Variants in RGS7 observed in about 807,000 individuals in gnomAD.
The protein encoded by RGS7 is regulator of G protein signaling 7.
In RGS7, 27 loss-of-function variants were observed where a neutral mutation model predicts 81.1. The ratio of observed to expected loss-of-function variants is 0.33; its 90% CI spans 0.25 to 0.46. RGS7 has a LOEUF of 0.46. RGS7 is among the 20% of genes least tolerant of loss of function. RGS7 has a pLI of 1.00. For synonymous variants in RGS7, 208 were observed against 207.7 expected (o/e 1.00, Z -0.01); for missense variants, 396 against 607.4 (o/e 0.65, Z 3.66).
chr1:240,916,122 A>AG (rs1445525137), intron 6 of RGS7, among the ~76,000 whole-genome samples: 1 of 150,942 alleles, frequency 6.6e-6, no homozygotes, highest in Non-Finnish European at 1.5e-5. Context: ...AAAAAAAAAA[A>AG]AAAAAAAAAT....
intron 2 of RGS7, among the ~76,000 whole-genome samples, chr1:241,268,957 C>T (rs1164282884): frequency 6.6e-6 from 1 of 152,172 alleles, no homozygotes; most frequent in Non-Finnish European, 1.5e-5. Flanking sequence ...CCCAATGCCC[C>T]ATGTTTAACT....
intron 3 of RGS7, among the ~76,000 whole-genome samples, chr1:241,083,466 G>T (rs930321275): frequency 6.6e-6 from 1 of 152,098 alleles, no homozygotes; most frequent in African/African-American, 2.4e-5. Flanking sequence ...TTGACTATGT[G>T]ACATCTCACT....
intron 2 of RGS7, among the ~76,000 whole-genome samples, chr1:241,215,999 C>A (rs542107845): frequency 6.6e-6 from 1 of 152,030 alleles, no homozygotes; most frequent in African/African-American, 2.4e-5. Context: ...AGGCCGGGCG[C>A]GGTGGCTCAC....
chr1:241,143,224 A>G (rs554568973), intron 2 of RGS7, among the ~76,000 whole-genome samples: 1 of 151,664 alleles, frequency 6.6e-6, no homozygotes, highest in South Asian at 2.1e-4. Flanking sequence ...AACTATTCCA[A>G]CCTCTGCCTG....
intron 6 of RGS7, among the ~76,000 whole-genome samples, chr1:240,875,309 T>C (rs545408158): frequency 2.2e-4 from 33 of 152,314 alleles, no homozygotes; most frequent in Admixed American, 9.2e-4. Context: ...CCTGACTTAT[T>C]TCACTTAACA....
chr1:241,342,822 C>T (rs2082643578), intron 2 of RGS7, among the ~76,000 whole-genome samples: 1 of 152,180 alleles, frequency 6.6e-6, no homozygotes, highest in South Asian at 2.1e-4. Context: ...GATACCACTT[C>T]ACACCCATTA....
chr1:241,204,796 G>C (rs2073767731), intron 2 of RGS7, among the ~76,000 whole-genome samples: 1 of 151,746 alleles, frequency 6.6e-6, no homozygotes, highest in African/African-American at 2.4e-5. Context: ...TTTACATAGA[G>C]CAGCAATTAT....
chr1:241,251,164 T>C (rs1436103646), intron 2 of RGS7, among the ~76,000 whole-genome samples: 2 of 152,258 alleles, frequency 1.3e-5, no homozygotes, highest in Non-Finnish European at 2.9e-5. Context: ...ATTTTGATAC[T>C]GAGAAAATAC....
At chr1:241,200,816 C>T (rs898569985) in intron 2 of RGS7, among the ~76,000 whole-genome samples, 1 of 152,158 alleles carries the variant, frequency 6.6e-6, no homozygotes, top group African/African-American at 2.4e-5. Context: ...CCCCAACTCT[C>T]CTCAGTTTCT....
rs185762797 is a variant in RGS7, at chr1:241,340,346, G to A, written c.78+15353C>T. On this transcript the variant is annotated intron_variant, in intron 2 of 18. Coordinates refer to ENST00000440928, the MANE Select transcript of RGS7 (RefSeq NM_001364886.1). ...TTACCCTCAGAATAGAGGGAATGCT[G>A]TATAGTCACTAATGCTGTCCAAACT... 1.9e-3 allele frequency among the ~76,000 whole-genome samples: 290 copies of A among 152,248 alleles called. 1 individual carries two copies. Among genetic ancestry groups the A allele is most frequent in the African/African-American group, 6.6e-3 (276 of 41,546 alleles).
chr1:241,015,662 A>G (rs2059181820), intron 3 of RGS7, among the ~76,000 whole-genome samples: 1 of 152,180 alleles, frequency 6.6e-6, no homozygotes, highest in Non-Finnish European at 1.5e-5. Context: ...ATTTTAACAA[A>G]ATTTTGGTAC....
intron 4 of RGS7, among the ~76,000 whole-genome samples, chr1:240,939,963 C>T (rs1159544998): frequency 6.6e-6 from 1 of 151,962 alleles, no homozygotes. Context: ...ATCTGTAATC[C>T]CAGCTACTTG....
chr1:240,969,385 C>A (rs1324090138), intron 4 of RGS7, among the ~76,000 whole-genome samples: 1 of 152,162 alleles, frequency 6.6e-6, no homozygotes, highest in Non-Finnish European at 1.5e-5. Flanking sequence ...TCCATTTGGT[C>A]TGTGTAGCCA....
rs748777204 is a variant in RGS7, at chr1:240,868,716, C to T, written c.528-48G>A. On this transcript the variant is annotated intron_variant, in intron 8 of 18. Coordinates refer to ENST00000440928, the MANE Select transcript of RGS7 (RefSeq NM_001364886.1). This position sits in a 1 kb window ranked among gnomAD's most constrained non-coding sequence, Gnocchi z 5.1. ...TAACATTTAGTATTAATTGTAGTGC[C>T]TCTCTGAACAAAAAGGCCACAACTG... is the stretch of plus-strand genomic sequence containing the variant. 2 of 1,609,826 alleles carry T rather than the reference C, an allele frequency of 1.2e-6. No individual in the cohort carries two copies. The highest frequency in any genetic ancestry group is 2.2e-5 in the East Asian group (1 of 44,860).
chr1:240,881,504 A>C (rs572484415), intron 6 of RGS7, among the ~76,000 whole-genome samples: 244 of 152,286 alleles, frequency 1.6e-3, no homozygotes, highest in African/African-American at 5.5e-3. Flanking sequence ...TATAATAATA[A>C]AAAAAAGCAG....
At chr1:240,822,342 C>A (rs1467367681) in intron 10 of RGS7, among the ~76,000 whole-genome samples, 1 of 152,084 alleles carries the variant, frequency 6.6e-6, no homozygotes, top group African/African-American at 2.4e-5. Flanking sequence ...AAAACAACAA[C>A]AACAGAAAAA....
intron 2 of RGS7, among the ~76,000 whole-genome samples, chr1:241,199,578 C>G (rs776709447): frequency 6.6e-6 from 1 of 150,882 alleles, no homozygotes; most frequent in African/African-American, 2.4e-5. Flanking sequence ...ACAAGAGGTC[C>G]TAGTCAATGC....
chr1:240,785,917 G>A (rs904294389), intron 18 of RGS7, among the ~76,000 whole-genome samples: 9 of 152,112 alleles, frequency 5.9e-5, no homozygotes, highest in Non-Finnish European at 7.4e-5. Flanking sequence ...AGATAAGCTC[G>A]AATTCTTGAG....
intron 3 of RGS7, among the ~76,000 whole-genome samples, chr1:241,033,930 C>T (rs891801806): frequency 6.6e-5 from 10 of 152,028 alleles, no homozygotes; most frequent in African/African-American, 2.4e-4. Flanking sequence ...TTCTCACAGC[C>T]TTAAACATGC....
Sources: gnomAD v4.1 joint callset for allele counts (sites outside exome capture counted in the v4.1 genomes callset) on GRCh38, gnomAD v4.1.1 for gene constraint, Gnocchi (gnomAD v3.1) non-coding constraint, MANE v1.5 for transcripts, NCBI Gene and HGNC (gene_info 2026-07-23, HGNC 2026-07-21) for gene names.